Variants in ARID4B observed in about 807,000 individuals in gnomAD.
ARID4B encodes the protein AT-rich interaction domain 4B.
ARID4B carries 26 observed loss-of-function variants against 147.5 expected under a neutral mutation model. That is an observed-to-expected ratio of 0.18 (90% confidence interval 0.13 to 0.24). The LOEUF (loss-of-function observed/expected upper bound fraction) is 0.24. ARID4B is among the 10% of genes least tolerant of loss of function. The pLI is 1.00. For missense variants in ARID4B, 1,179 were observed against 1,511.5 expected (o/e 0.78, Z 3.65); for synonymous variants, 512 against 507.9 (o/e 1.01, Z -0.11).
At chr1:235,271,304 T>C (rs1359952634) in intron 2 of ARID4B, among the ~76,000 whole-genome samples, 1 of 152,092 alleles carries the variant, frequency 6.6e-6, no homozygotes, top group African/African-American at 2.4e-5. Context: ...GCAGTGACTA[T>C]ATCACTGCAC....
chr1:235,274,257 G>A (rs961128929), intron 2 of ARID4B, among the ~76,000 whole-genome samples: 6 of 151,834 alleles, frequency 4.0e-5, no homozygotes, highest in Non-Finnish European at 5.9e-5. Flanking sequence ...GGTGGCTTGG[G>A]AGGCTACTTG....
Position 235,181,956 on chromosome 1 carries a change from G to C in ARID4B, c.2963C>G (p.Pro988Arg). The C allele has an allele frequency of 6.2e-7, 1 of 1,614,036 alleles. No homozygotes were observed. Among genetic ancestry groups the C allele is most frequent in the Non-Finnish European group, 8.5e-7 (1 of 1,180,010 alleles). Residue 988 changes from proline (P) to arginine (R), a missense_variant, in exon 20 of 24, where the codon CCT becomes CGT. Coordinates refer to ENST00000264183, the MANE Select transcript of ARID4B (RefSeq NM_016374.6). ...CSPSVELEKPPPVNVDSKPIE... is the reference protein window; with the variant it reads ...CSPSVELEKPRPVNVDSKPIE... ...GGGTTTACTATCGACATTGACTGGA[G>C]GTGGTTTTTCTAGTTCTACACTGGG...
At chr1:235,327,184 A>C (rs1675342503) in intron 1 of ARID4B, 2 of 460,504 alleles carry the variant, frequency 4.3e-6, no homozygotes, top group Non-Finnish European at 7.9e-6. Context: ...TCCCGTCCCC[A>C]TTGTCGAGAC....
chr1:235,229,192 TA>T, intron 11 of ARID4B, 38 bp downstream of exon 11: 1 of 1,592,084 alleles, frequency 6.3e-7, no homozygotes, highest in Non-Finnish European at 8.5e-7. Context: ...ACCCAACTGT[TA>T]TTTATAATTT....
chr1:235,261,208 T>C (rs1015817806), intron 2 of ARID4B, among the ~76,000 whole-genome samples: 1 of 152,116 alleles, frequency 6.6e-6, no homozygotes, highest in South Asian at 2.1e-4. Flanking sequence ...TATATCTCTA[T>C]CTAGAAAAGT....
At chr1:235,247,336 T>C (rs1007109881) in intron 6 of ARID4B, among the ~76,000 whole-genome samples, 1 of 152,210 alleles carries the variant, frequency 6.6e-6, no homozygotes, top group African/African-American at 2.4e-5. Flanking sequence ...AGCAGGCATC[T>C]AAACTAATGT....
intron 7 of ARID4B, among the ~76,000 whole-genome samples, chr1:235,244,146 T>C (rs1669155830): frequency 6.6e-6 from 1 of 152,148 alleles, no homozygotes; most frequent in African/African-American, 2.4e-5. Flanking sequence ...AAACCAGGTA[T>C]TGGGTAAATC....
intron 2 of ARID4B, among the ~76,000 whole-genome samples, chr1:235,276,531 G>A (rs1166492147): frequency 6.6e-6 from 1 of 152,070 alleles, no homozygotes; most frequent in Non-Finnish European, 1.5e-5. Flanking sequence ...TCATGGTGGT[G>A]CACATCTGTA....
At chr1:235,174,293 C>T (rs553980712) in intron 22 of ARID4B, among the ~76,000 whole-genome samples, 1 of 152,160 alleles carries the variant, frequency 6.6e-6, no homozygotes, top group East Asian at 1.9e-4. Context: ...CCCACCTCAG[C>T]CTCCCAAAGT....
At chr1:235,301,038 CTTTTTTTTTT>C (rs780839339) in intron 2 of ARID4B, among the ~76,000 whole-genome samples, 2 of 112,284 alleles carry the variant, frequency 1.8e-5, no homozygotes, top group Admixed American at 8.8e-5. Context: ...TTTAAGTATT[CTTTTTTTTTT>C]TTTTTTTTTT....
chr1:235,186,858 G>A (rs1344690404), intron 19 of ARID4B, among the ~76,000 whole-genome samples: 1 of 151,764 alleles, frequency 6.6e-6, no homozygotes, highest in Non-Finnish European at 1.5e-5. Context: ...ACCACATTCG[G>A]CTAATTTTAA....
intron 19 of ARID4B, among the ~76,000 whole-genome samples, chr1:235,183,782 T>C (rs545962843): frequency 2.2e-4 from 33 of 150,738 alleles, no homozygotes; most frequent in Admixed American, 1.8e-3. Flanking sequence ...TCCTTTCTCT[T>C]TCTTTATTTC....
intron 17 of ARID4B, among the ~76,000 whole-genome samples, chr1:235,205,259 T>C (rs1289026484): frequency 5.9e-5 from 9 of 152,184 alleles, no homozygotes; most frequent in Admixed American, 5.9e-4. Context: ...CAAAACATTT[T>C]AGAGCAGGAA....
intron 2 of ARID4B, among the ~76,000 whole-genome samples, chr1:235,319,693 A>T (rs1026819347): frequency 6.6e-6 from 1 of 152,150 alleles, no homozygotes; most frequent in Admixed American, 6.6e-5. Context: ...AACTAATCAC[A>T]GCAAAAAGAC....
chr1:235,173,769 AAAATATATATATATAT>A (rs1454687153), intron 22 of ARID4B, among the ~76,000 whole-genome samples: 2 of 38,182 alleles, frequency 5.2e-5, no homozygotes, highest in East Asian at 5.8e-4. Flanking sequence ...AAAAAAAAAA[AAAATATATATATATAT>A]ATATATATAT....
At chr1:235,241,796 G>A (rs950663891) in intron 7 of ARID4B, among the ~76,000 whole-genome samples, 34 of 151,012 alleles carry the variant, frequency 2.3e-4, no homozygotes, top group African/African-American at 6.9e-4. Flanking sequence ...GATTATAGGC[G>A]TGAGCCACCC....
chr1:235,188,984 A>G (rs548544662), intron 19 of ARID4B, among the ~76,000 whole-genome samples: 55 of 152,372 alleles, frequency 3.6e-4, no homozygotes, highest in African/African-American at 9.6e-4. Flanking sequence ...ACCAAAAATT[A>G]TAAAATCCTT....
intron 22 of ARID4B, among the ~76,000 whole-genome samples, chr1:235,173,237 G>C (rs961947267): frequency 6.6e-6 from 1 of 152,072 alleles, no homozygotes; most frequent in Non-Finnish European, 1.5e-5. Context: ...CCAGCTACTC[G>C]GGAGGCTGGG....
chr1:235,225,287 A>C (rs1176244265), intron 11 of ARID4B, among the ~76,000 whole-genome samples: 2 of 152,200 alleles, frequency 1.3e-5, no homozygotes, highest in Non-Finnish European at 2.9e-5. Context: ...AGCTTACATA[A>C]TCAGTAAAGT....
Sources: gnomAD v4.1 joint callset for allele counts (sites outside exome capture counted in the v4.1 genomes callset) on GRCh38, gnomAD v4.1.1 for gene constraint, MANE v1.5 for transcripts, NCBI Gene and HGNC (gene_info 2026-07-23, HGNC 2026-07-21) for gene names.